The following HEATR4 variants were observed in gnomAD, a reference collection of about 807,000 sequenced individuals.
HEATR4 encodes the protein HEAT repeat containing 4, also known as HEAT repeat-containing protein 4.
HEATR4 carries 95 observed loss-of-function variants against 108.8 expected under a neutral mutation model. The ratio of observed to expected loss-of-function variants is 0.87; its 90% CI spans 0.74 to 1.04. HEATR4 has a LOEUF of 1.04. Ranked by LOEUF, HEATR4 falls within the 50% of genes least tolerant of loss-of-function variation. The pLI, the probability that HEATR4 is intolerant of heterozygous loss-of-function variation, is 0.00. For synonymous variants in HEATR4, 443 were observed against 459.4 expected, an observed-to-expected ratio of 0.96 and a Z score of 0.46; for missense variants, 1,152 against 1,253.8, an observed-to-expected ratio of 0.92 and a Z score of 1.23.
At chr14:73,503,814 G>T (rs988726531) in intron 10 of HEATR4, among the ~76,000 whole-genome samples, 1 of 152,172 alleles carries the variant, frequency 6.6e-6, no homozygotes, top group Non-Finnish European at 1.5e-5. Flanking sequence ...TGCGTCGGAT[G>T]TGGTCAGAAA....
At chr14:73,560,197 C>G (rs1233563343), upstream of HEATR4, among the ~76,000 whole-genome samples, 3 of 152,076 alleles carry the variant, frequency 2.0e-5, no homozygotes, top group Admixed American at 2.0e-4. Context: ...ATTTCTGGGC[C>G]TAAGGCTCTG....
chr14:73,604,196 G>A, the HEATR4 span, among the ~76,000 whole-genome samples: 3 of 129,464 alleles, frequency 2.3e-5, no homozygotes, highest in African/African-American at 3.1e-5. Context: ...ATGGAGTCTC[G>A]CTCTATAACC....
chr14:73,569,290 C>T, the HEATR4 span: 1 of 1,613,906 alleles, frequency 6.2e-7, no homozygotes, highest in Admixed American at 1.7e-5. Flanking sequence ...GTTCTCAGGT[C>T]TGAATTCAAA....
intron 17 of HEATR4, chr14:73,491,825 G>C: frequency 6.2e-7 from 1 of 1,606,420 alleles, no homozygotes; most frequent in Non-Finnish European, 8.5e-7. Context: ...CTACATCAAC[G>C]GACGACGCGA....
chr14:73,587,254 T>C, the HEATR4 span, among the ~76,000 whole-genome samples: 1 of 152,228 alleles, frequency 6.6e-6, no homozygotes, highest in South Asian at 2.1e-4. Context: ...TGATTGAGCC[T>C]ACTGACAGGA....
chr14:73,595,713 C>G, the HEATR4 span: 4 of 1,484,130 alleles, frequency 2.7e-6, no homozygotes, highest in South Asian at 4.4e-5. Flanking sequence ...TTCAGTAACC[C>G]TATGTGAATC....
intron 9 of HEATR4, among the ~76,000 whole-genome samples, chr14:73,507,892 G>A (rs1412236125): frequency 1.3e-5 from 2 of 152,112 alleles, no homozygotes; most frequent in Non-Finnish European, 2.9e-5. Flanking sequence ...ACTCAGTGTG[G>A]TACCACTGCA....
chr14:73,621,320 G>C, the HEATR4 span, among the ~76,000 whole-genome samples: 9 of 152,138 alleles, frequency 5.9e-5, no homozygotes, highest in Admixed American at 5.2e-4. Context: ...TATGGTCATT[G>C]CCTGCCTGGA....
intron 17 of HEATR4, among the ~76,000 whole-genome samples, chr14:73,487,042 C>T (rs1422078297): frequency 2.0e-5 from 3 of 150,044 alleles, no homozygotes; most frequent in Non-Finnish European, 4.4e-5. Flanking sequence ...CCAAGGCGGG[C>T]AGATCATGAG....
At chr14:73,606,224 T>G in the HEATR4 span, among the ~76,000 whole-genome samples, 1 of 151,912 alleles carries the variant, frequency 6.6e-6, no homozygotes, top group African/African-American at 2.4e-5. Context: ...GCCATGATGG[T>G]GCATGCCTGT....
chr14:73,615,244 G>A, the HEATR4 span, among the ~76,000 whole-genome samples: 20 of 150,754 alleles, frequency 1.3e-4, no homozygotes, highest in African/African-American at 3.9e-4. Flanking sequence ...AAAATTAGCC[G>A]GGCATGGTGG....
At chr14:73,490,006 G>C (rs1486354970) in intron 17 of HEATR4, among the ~76,000 whole-genome samples, 1 of 152,184 alleles carries the variant, frequency 6.6e-6, no homozygotes, top group African/African-American at 2.4e-5. Flanking sequence ...GGAACCTGCC[G>C]GTGGAACATC....
chr14:73,492,621 C>G lies in HEATR4; in HGVS notation c.2844+445G>C. On this transcript the variant is annotated intron_variant, in intron 17 of 17. Coordinates refer to ENST00000553558, the MANE Select transcript of HEATR4 (RefSeq NM_001220484.1). The surrounding 1 kb of genome is among the most constrained non-coding windows in gnomAD (Gnocchi z 4.9). ...CCAATTCGCTGGGAGGCTGGAGAAC[C>G]TGTAAACGTGGGGGCCCAGTTGACA... 1 of 1,613,878 alleles carries G rather than the reference C, an allele frequency of 6.2e-7. No individual in the cohort carries two copies. The highest frequency in any genetic ancestry group is 2.2e-5 in the East Asian group (1 of 44,882).
chr14:73,569,915 G>A, the HEATR4 span: 3 of 1,585,694 alleles, frequency 1.9e-6, no homozygotes, highest in Admixed American at 1.7e-5. Context: ...TTCCGTGTTC[G>A]TTCGCCTTTC....
rs139105001 is a variant in HEATR4 at position 73,557,294 on chromosome 14, C to A, written c.-152+1457G>T. Among the ~76,000 whole-genome samples the A allele has an allele frequency of 2.5e-3, 285 of 113,626 alleles. 130 individuals are homozygous for A. The East Asian group carries it at 0.18, about 71-fold the overall frequency. 74.5% of individuals were successfully genotyped at this position (113,626 alleles called of 152,430 possible). On this transcript the variant is annotated intron_variant, in intron 1 of 17. Transcript: ENST00000553558. ...GAAAACGTAGGAGTTGGACTAAATT[C>A]CTCTCCTGCCTCTAATATTTTATGA... is the stretch of plus-strand genomic sequence containing the variant.
At chr14:73,505,103 G>C (rs1168899498) in intron 10 of HEATR4, among the ~76,000 whole-genome samples, 1 of 152,078 alleles carries the variant, frequency 6.6e-6, no homozygotes, top group East Asian at 1.9e-4. Context: ...GCTAATTAGA[G>C]ATGGGGTTTT....
At chr14:73,593,788 G>C in the HEATR4 span, 1 of 1,613,972 alleles carries the variant, frequency 6.2e-7, no homozygotes, top group Non-Finnish European at 8.5e-7. Flanking sequence ...TGCTGGCCAT[G>C]GCTTTGCCAC....
chr14:73,514,222 A>C lies in HEATR4; in HGVS notation c.1223T>G (p.Val408Gly). The change falls in exon 6 of 18, where the codon GTG becomes GGG. Residue 408 changes from valine to glycine, a missense_variant. Transcript: ENST00000553558. ...AGCAGTCCAGCGCAGGGCTCCTTGC[A>C]CAGGTCTGTAAGCTGTGCAACGTGG... is the stretch of plus-strand genomic sequence containing the variant. ...QAIPEASYRPVQGALRWTALP... is the reference protein window; with the variant it reads ...QAIPEASYRPGQGALRWTALP... 3 of 1,614,092 alleles carry C rather than the reference A, an allele frequency of 1.9e-6. No homozygotes were observed.
chr14:73,534,717 T>C (rs1268873748), intron 1 of HEATR4, among the ~76,000 whole-genome samples: 1 of 112,172 alleles, frequency 8.9e-6, no homozygotes, highest in Non-Finnish European at 1.9e-5. Flanking sequence ...AATAAACAAA[T>C]ACTATGCATA....
Sources: allele counts gnomAD v4.1 joint callset (sites outside exome capture counted in the v4.1 genomes callset), GRCh38; gene constraint gnomAD v4.1.1; non-coding constraint Gnocchi (gnomAD v3.1); transcripts MANE v1.5; gene names NCBI Gene and HGNC (gene_info 2026-07-23, HGNC 2026-07-21).